The following ZNF658 variants were observed in gnomAD, a reference collection of about 807,000 sequenced individuals.
The protein encoded by ZNF658 is zinc finger protein 658.
In ZNF658, 46 loss-of-function variants were observed where a neutral mutation model predicts 78.0. The ratio of observed to expected loss-of-function variants is 0.59; its 90% confidence interval spans 0.47 to 0.75. ZNF658 has a LOEUF of 0.75. Ranked by LOEUF, ZNF658 falls within the 30% of genes least tolerant of loss-of-function variation. The probability of loss-of-function intolerance (pLI) is 0.00; values close to 1 mark genes in which losing one functional copy is unlikely to be tolerated. For missense variants in ZNF658, 785 were observed against 1,189.3 expected (o/e 0.66, Z 5.00); for synonymous variants, 279 against 408.4 (o/e 0.68, Z 3.82).
Position 66,908,252 on chromosome 9 carries a change from C to A in ZNF658, c.30C>A (p.Phe10Leu), listed in dbSNP as rs541557603. Residue 10 changes from phenylalanine (F) to leucine (L), a missense_variant, in exon 3 of 5, where the codon TTC becomes TTA. Around this residue, in one of 12 missense-constraint regions of ZNF658, gnomAD observed 79 missense variants for 96.5 expected, o/e 0.82. Transcript: ENST00000621410. ...TGTTGTTACAGGCATCAGTGTCATT[C>A]CAGGACGTGACTGTGGAATTCACCC... MNMSQASVSFQDVTVEFTRE... is the reference protein window; with the variant it reads MNMSQASVSLQDVTVEFTRE... The A allele has an allele frequency of 1.2e-6, 2 of 1,613,974 alleles. No homozygotes were observed. The highest frequency in any genetic ancestry group is 2.2e-5 in the South Asian group (2 of 91,054).
In ZNF658 at chr9:66,920,931, C is replaced by A. The variant is rs2259428; in HGVS notation, c.*185C>A. 27 of 715,476 alleles carry A rather than the reference C, an allele frequency of 3.8e-5. No homozygotes were observed. In the African/African-American group the frequency reaches 3.9e-4, roughly 10 times the overall value. The allele number at this position is 715,476 out of a possible 1,614,324, so 44.3% of individuals were successfully genotyped here. Reference sequence around the variant, plus strand: ...TGCTAATGATAAATATTACATTTACCCTTGGCCCTTAAAAAAAAAAAAGAA... The same window carrying A: ...TGCTAATGATAAATATTACATTTACACTTGGCCCTTAAAAAAAAAAAAGAA... On this transcript the variant is annotated 3_prime_UTR_variant, in exon 5 of 5. Coordinates refer to ENST00000621410, the MANE Select transcript of ZNF658 (RefSeq NM_033160.7).
downstream of ZNF658, among the ~76,000 whole-genome samples, chr9:66,924,037 G>A (rs1822562679): frequency 6.7e-6 from 1 of 149,646 alleles, no homozygotes; most frequent in African/African-American, 2.5e-5. Context: ...TGTAATCCCA[G>A]CTATTCAAGA....
chr9:66,910,133 CA>C (rs1382695996), intron 4 of ZNF658, among the ~76,000 whole-genome samples: 7 of 152,134 alleles, frequency 4.6e-5, no homozygotes, highest in African/African-American at 1.7e-4. Context: ...TCTGCAAATA[CA>C]GTTACACTGG....
At position 66,901,094 on chromosome 9, in the gene ZNF658, G is replaced by C. The variant is rs1448773503; in HGVS notation, c.-45+258G>C. On this transcript the variant is annotated intron_variant, in intron 1 of 4. Transcript: ENST00000621410. The stretch of plus-strand genomic sequence containing the variant: ...AACAGGAGGAGGTTACTAGTAACTC[G>C]TGTTCCTATTCTGAAAATTAAATAA... 4 of 152,384 alleles carry C rather than the reference G, an allele frequency of 2.6e-5. No homozygotes were observed. In the East Asian group the frequency reaches 7.7e-4, roughly 29 times the overall value. 9.4% of individuals were successfully genotyped at this position (152,384 alleles called of 1,614,324 possible). A position where few individuals can be genotyped will look rare whatever the true frequency, so the allele number is the denominator to read the frequency against.
chr9:66,910,931 A>C (rs1340243241), intron 4 of ZNF658, among the ~76,000 whole-genome samples: 1 of 151,916 alleles, frequency 6.6e-6, no homozygotes, highest in Non-Finnish European at 1.5e-5. Flanking sequence ...GCTCTCATTC[A>C]AGAGCACAGG....
chr9:66,905,201 A>G (rs962370712), intron 2 of ZNF658, among the ~76,000 whole-genome samples: 2 of 145,330 alleles, frequency 1.4e-5, no homozygotes, highest in African/African-American at 5.1e-5. Context: ...TCAGCCTCCT[A>G]AGTAGCTGGG....
intron 4 of ZNF658, among the ~76,000 whole-genome samples, chr9:66,914,152 C>T (rs1822279314): frequency 6.6e-6 from 1 of 151,382 alleles, no homozygotes; most frequent in African/African-American, 2.5e-5. Flanking sequence ...TCTTCCAGTC[C>T]ATACACAAAA....
chr9:66,908,766 G>C, intron 4 of ZNF658, 32 bp downstream of exon 4: 1 of 1,602,532 alleles, frequency 6.2e-7, no homozygotes, highest in Non-Finnish European at 8.5e-7. Context: ...GAGCCCCCTG[G>C]GGGTACTTAG....
At chr9:66,922,955 G>T (rs1348625010), downstream of ZNF658, among the ~76,000 whole-genome samples, 1 of 151,752 alleles carries the variant, frequency 6.6e-6, no homozygotes, top group East Asian at 1.9e-4. Flanking sequence ...GGAAGGTGGG[G>T]TGTATTAGGG....
downstream of ZNF658, among the ~76,000 whole-genome samples, chr9:66,925,741 C>T (rs1019168613): frequency 5.9e-5 from 9 of 151,998 alleles, no homozygotes; most frequent in East Asian, 1.9e-4. Context: ...ACTCATTTCA[C>T]GAGGCCAGCA....
chr9:66,923,034 T>C (rs1822550782), downstream of ZNF658, among the ~76,000 whole-genome samples: 1 of 151,716 alleles, frequency 6.6e-6, no homozygotes, highest in South Asian at 2.1e-4. Flanking sequence ...GAGTATACAC[T>C]GTCACAAGGT....
intron 1 of ZNF658, among the ~76,000 whole-genome samples, chr9:66,902,136 A>C (rs1821966154): frequency 6.6e-6 from 1 of 150,672 alleles, no homozygotes; most frequent in African/African-American, 2.4e-5. Context: ...TTTCTAGTGA[A>C]TCTCAAGAGT....
At chr9:66,908,758 G>A in intron 4 of ZNF658, 24 bp downstream of exon 4, 1 of 1,608,840 alleles carries the variant, frequency 6.2e-7, no homozygotes, top group Non-Finnish European at 8.5e-7. Context: ...AACAGAAGGA[G>A]CCCCCTGGGG....
At chr9:66,901,127 C>T (rs917977352) in intron 1 of ZNF658, 5 of 152,186 alleles carry the variant, frequency 3.3e-5, no homozygotes, top group African/African-American at 9.7e-5. Context: ...TAAGTTGTCA[C>T]CTGTAAAGCA....
chr9:66,922,016 G>A (rs1303359434), downstream of ZNF658, among the ~76,000 whole-genome samples: 2 of 86,468 alleles, frequency 2.3e-5, no homozygotes, highest in African/African-American at 8.4e-5. Context: ...GAGCTTCCTG[G>A]CCTCTTTGTT....
At chr9:66,913,605 T>C (rs1219920850) in intron 4 of ZNF658, among the ~76,000 whole-genome samples, 1 of 152,078 alleles carries the variant, frequency 6.6e-6, no homozygotes, top group Non-Finnish European at 1.5e-5. Flanking sequence ...TCCAACTTAC[T>C]AGTTTTCTTT....
At position 66,908,340 on chromosome 9, in the gene ZNF658, A is replaced by G. The variant is rs145610108; in HGVS notation, c.118A>G (p.Asn40Asp). 112 of 1,613,970 alleles carry G rather than the reference A, an allele frequency of 6.9e-5. 1 individual carries two copies. Among genetic ancestry groups the G allele is most frequent in the Non-Finnish European group, 8.2e-5 (97 of 1,180,012 alleles). ...GCTGTACAGAGATGTGATGCTGGAG[A>G]ACTACAGCCACCTCATCTCAGTGGG... ...RTLYRDVMLENYSHLISVGYC... is the reference protein window; with the variant it reads ...RTLYRDVMLEDYSHLISVGYC... Residue 40 changes from asparagine to aspartate, a missense_variant, in exon 3 of 5, where the codon AAC becomes GAC. Physicochemically the swap from Asn to Asp is conservative, Grantham distance 23 (BLOSUM62 1). Transcript: ENST00000621410.
chr9:66,908,575 T>A (rs1822136169), intron 3 of ZNF658, 64 bp from the exon 4 acceptor site: 1 of 1,527,898 alleles, frequency 6.5e-7, no homozygotes, highest in South Asian at 1.2e-5. Context: ...CTGCCATATC[T>A]TTTTTTCCCT....
Position 66,908,369 on chromosome 9 carries a change from G to C in ZNF658, c.142+5G>C, listed in dbSNP as rs768977482. On this transcript the variant is annotated splice_donor_5th_base_variant and intron_variant, in intron 3 of 4. Coordinates refer to ENST00000621410, the MANE Select transcript of ZNF658 (RefSeq NM_033160.7). ...ACAGCCACCTCATCTCAGTGGGTGA[G>C]CATAGCTTACCATGGGGCTCTCTCG... The C allele has an allele frequency of 6.2e-7, 1 of 1,613,992 alleles. No homozygotes were observed. The highest frequency in any genetic ancestry group is 8.5e-7 in the Non-Finnish European group (1 of 1,179,972).
Sources: allele counts gnomAD v4.1 joint callset (sites outside exome capture counted in the v4.1 genomes callset), GRCh38; gene constraint gnomAD v4.1.1; regional missense constraint gnomAD v4.1.1; transcripts MANE v1.5; gene names NCBI Gene and HGNC (gene_info 2026-07-23, HGNC 2026-07-21).